Variants in MSI2 observed in about 807,000 individuals in gnomAD.
MSI2 encodes musashi RNA binding protein 2, also known as RNA-binding protein Musashi homolog 2.
MSI2 carries 17 observed loss-of-function variants against 45.6 expected under a neutral mutation model. The ratio of observed to expected loss-of-function variants is 0.37; its 90% CI spans 0.26 to 0.56. The LOEUF (loss-of-function observed/expected upper bound fraction) is 0.56. MSI2 is among the 20% of genes least tolerant of loss of function. MSI2 has a pLI of 0.77. For synonymous variants in MSI2, 156 were observed against 158.2 expected (o/e 0.99, Z 0.11); for missense variants, 293 against 444.2 (o/e 0.66, Z 3.06).
At chr17:57,436,905 C>A (rs1215096654) in intron 6 of MSI2, among the ~76,000 whole-genome samples, 2 of 152,150 alleles carry the variant, frequency 1.3e-5, no homozygotes, top group African/African-American at 4.8e-5. Flanking sequence ...TGTCCCTTCT[C>A]CTGGGTTGAC....
intron 8 of MSI2, 78 bp from the exon 9 acceptor site, chr17:57,615,892 C>A: frequency 2.7e-6 from 3 of 1,130,992 alleles, no homozygotes; most frequent in Non-Finnish European, 4.0e-6. Flanking sequence ...TAACTTAGCT[C>A]ATAACCAGAC....
intron 10 of MSI2, among the ~76,000 whole-genome samples, chr17:57,646,585 C>T (rs1408627683): frequency 2.0e-5 from 3 of 152,126 alleles, no homozygotes; most frequent in East Asian, 1.9e-4. Context: ...ACACAGGGCC[C>T]GAAGAAGTGA....
intron 6 of MSI2, among the ~76,000 whole-genome samples, chr17:57,480,413 A>G (rs531435426): frequency 7.9e-5 from 12 of 152,326 alleles, no homozygotes; most frequent in Non-Finnish European, 1.5e-4. Flanking sequence ...AACTTTCTTA[A>G]TATTTCTTAG....
chr17:57,398,809 A>G (rs1019579624), intron 5 of MSI2, among the ~76,000 whole-genome samples: 1 of 152,242 alleles, frequency 6.6e-6, no homozygotes, highest in Non-Finnish European at 1.5e-5. Flanking sequence ...CACTTAATGT[A>G]TCTGTTGAAT....
At chr17:57,260,086 T>G (rs1433924221) in intron 4 of MSI2, 1 of 152,250 alleles carries the variant, frequency 6.6e-6, no homozygotes, top group Admixed American at 6.5e-5. Context: ...AATAGTACCC[T>G]AGTCTTTTCC....
chr17:57,413,687 T>C (rs961565687), intron 6 of MSI2, among the ~76,000 whole-genome samples: 1 of 151,940 alleles, frequency 6.6e-6, no homozygotes, highest in South Asian at 2.1e-4. Flanking sequence ...TTACATATGA[T>C]TCTAATAAGC....
At chr17:57,307,883 G>T (rs577789575) in intron 5 of MSI2, among the ~76,000 whole-genome samples, 28 of 152,218 alleles carry the variant, frequency 1.8e-4, no homozygotes, top group Non-Finnish European at 2.9e-4. Flanking sequence ...CATAGCAGTT[G>T]CTTGTTTCTC....
chr17:57,432,946 C>T (rs866504709), intron 6 of MSI2, among the ~76,000 whole-genome samples: 27 of 152,182 alleles, frequency 1.8e-4, no homozygotes, highest in African/African-American at 5.8e-4. Flanking sequence ...CTACCAGACG[C>T]GACTTCCTGA....
intron 6 of MSI2, among the ~76,000 whole-genome samples, chr17:57,434,636 A>T (rs1236304984): frequency 6.6e-6 from 1 of 152,074 alleles, no homozygotes; most frequent in Non-Finnish European, 1.5e-5. Context: ...AAGATTCCAC[A>T]TGTAAGTGAG....
intron 5 of MSI2, among the ~76,000 whole-genome samples, chr17:57,348,278 G>A (rs1194597242): frequency 6.6e-6 from 1 of 152,206 alleles, no homozygotes; most frequent in Non-Finnish European, 1.5e-5. Context: ...GGGAGTGATG[G>A]ATGCCTGGGT....
chr17:57,633,167 A>C, intron 10 of MSI2: 2 of 1,017,792 alleles, frequency 2.0e-6, no homozygotes, highest in Non-Finnish European at 2.4e-6. Flanking sequence ...GTAGAAAAAT[A>C]AATTGTTTAC....
chr17:57,266,872 G>A (rs1015125405), intron 5 of MSI2: 3 of 152,236 alleles, frequency 2.0e-5, no homozygotes, highest in Non-Finnish European at 2.9e-5. Flanking sequence ...CCACACTTAG[G>A]TTGTAGCAGG....
At chr17:57,678,603 G>A (rs909019989) in intron 13 of MSI2, among the ~76,000 whole-genome samples, 11 of 146,996 alleles carry the variant, frequency 7.5e-5, no homozygotes, top group Non-Finnish European at 4.5e-5. Flanking sequence ...TGGAAGAGAA[G>A]GAGTGGTGCA....
chr17:57,532,188 G>C (rs1009683627), intron 7 of MSI2: 2 of 152,352 alleles, frequency 1.3e-5, no homozygotes, highest in Non-Finnish European at 2.9e-5. Context: ...TGCCTGCAGT[G>C]GGGGCAGGAC....
At chr17:57,642,230 CAA>C (rs372884640) in intron 10 of MSI2, among the ~76,000 whole-genome samples, 16 of 152,300 alleles carry the variant, frequency 1.1e-4, no homozygotes, top group African/African-American at 3.8e-4. Flanking sequence ...TGAATTGAAT[CAA>C]AGTGGTGAGA....
At chr17:57,506,495 G>C (rs1369118074) in intron 6 of MSI2, among the ~76,000 whole-genome samples, 1 of 152,156 alleles carries the variant, frequency 6.6e-6, no homozygotes, top group African/African-American at 2.4e-5. Context: ...CTCTGGCTGT[G>C]GGTCTGCTCT....
intron 5 of MSI2, among the ~76,000 whole-genome samples, chr17:57,315,571 G>A (rs1024531827): frequency 6.6e-6 from 1 of 152,124 alleles, no homozygotes; most frequent in African/African-American, 2.4e-5. Context: ...CCTCAGAAAG[G>A]ATGCTTTTTG....
intron 6 of MSI2, among the ~76,000 whole-genome samples, chr17:57,524,141 G>A (rs998932542): frequency 3.3e-5 from 5 of 152,232 alleles, no homozygotes; most frequent in African/African-American, 1.2e-4. Flanking sequence ...GCCTGGGCAT[G>A]CCCTTGTCAT....
intron 5 of MSI2, among the ~76,000 whole-genome samples, chr17:57,386,763 T>C (rs550532545): frequency 1.4e-5 from 2 of 147,784 alleles, no homozygotes; most frequent in East Asian, 3.9e-4. Context: ...GGCATCCTGA[T>C]GGCAGCTGAT....
Sources: allele counts gnomAD v4.1 joint callset (sites outside exome capture counted in the v4.1 genomes callset), GRCh38; gene constraint gnomAD v4.1.1; transcripts MANE v1.5; gene names NCBI Gene and HGNC (gene_info 2026-07-23, HGNC 2026-07-21).